Variants in FRMD5 observed in about 807,000 individuals in gnomAD.
The protein encoded by FRMD5 is FERM domain-containing protein 5.
FRMD5 carries 20 observed loss-of-function variants against 69.0 expected under a neutral mutation model. That is an observed-to-expected ratio of 0.29 (90% CI 0.20 to 0.42). The LOEUF is 0.42. Among genes scored for constraint, FRMD5 ranks in the 10% least tolerant of loss-of-function variants. The probability of loss-of-function intolerance (pLI) is 1.00; values close to 1 mark genes in which losing one functional copy is unlikely to be tolerated. For synonymous variants in FRMD5, 271 were observed against 260.1 expected (o/e 1.04, Z -0.40); for missense variants, 595 against 708.6 (o/e 0.84, Z 1.82).
intron 1 of FRMD5, among the ~76,000 whole-genome samples, chr15:43,944,958 T>A (rs886999070): frequency 7.3e-5 from 11 of 151,192 alleles, no homozygotes; most frequent in East Asian, 2.0e-4. Context: ...TTTATTTATT[T>A]TTTTTTTTTT....
chr15:43,906,321 G>A (rs1426750681), intron 5 of FRMD5, among the ~76,000 whole-genome samples: 1 of 152,228 alleles, frequency 6.6e-6, no homozygotes, highest in East Asian at 1.9e-4. Context: ...AGCACAGGAA[G>A]TGGTGAGCTT....
In FRMD5 at chr15:43,874,447, C is replaced by G; in HGVS notation, c.1151G>C (p.Arg384Pro). 1.2e-6 allele frequency: 2 copies of G among 1,614,064 alleles called. No homozygotes were observed. Among genetic ancestry groups the G allele is most frequent in the Non-Finnish European group, 8.5e-7 (1 of 1,179,960 alleles). The change falls in exon 14 of 14, where the codon CGG (arginine) becomes CCG (proline). Residue 384 changes from arginine to proline, a missense_variant. Coordinates refer to ENST00000417257, the MANE Select transcript of FRMD5 (RefSeq NM_032892.5). ...ISIMEGLESL[R>P]DSAHSTPVRS... The stretch of plus-strand genomic sequence containing the variant: ...CACTGGTGTGGAATGGGCACTGTCC[C>G]GTAAGGACTCTAGGCCTAGAAAGGC...
chr15:43,876,359 A>G (rs2088357030), intron 13 of FRMD5: 1 of 812,364 alleles, frequency 1.2e-6, no homozygotes. Context: ...TTGAGTCTCA[A>G]GTCTGCCTGT....
chr15:44,068,040 C>T (rs1166294844), intron 1 of FRMD5, among the ~76,000 whole-genome samples: 1 of 152,154 alleles, frequency 6.6e-6, no homozygotes. Context: ...CTATTCCTTA[C>T]CTACCAGGAT....
At chr15:44,106,948 A>G (rs1357419442) in intron 1 of FRMD5, among the ~76,000 whole-genome samples, 1 of 152,210 alleles carries the variant, frequency 6.6e-6, no homozygotes, top group Non-Finnish European at 1.5e-5. Context: ...GTATATTTTT[A>G]CCATTTTAGA....
At chr15:44,160,735 C>A (rs1016470463) in intron 1 of FRMD5, among the ~76,000 whole-genome samples, 1 of 152,216 alleles carries the variant, frequency 6.6e-6, no homozygotes, top group Non-Finnish European at 1.5e-5. Context: ...TTAAGCCCAT[C>A]ATTCTAAGTA....
intron 1 of FRMD5, among the ~76,000 whole-genome samples, chr15:43,983,810 G>A (rs2140631425): frequency 6.6e-6 from 1 of 152,318 alleles, no homozygotes; most frequent in African/African-American, 2.4e-5. Context: ...GCTCTAAAAT[G>A]TCATGTCACT....
chr15:43,906,748 C>T (rs1431545866), intron 5 of FRMD5, among the ~76,000 whole-genome samples: 2 of 137,334 alleles, frequency 1.5e-5, no homozygotes, highest in Non-Finnish European at 3.0e-5. Flanking sequence ...ACTACAGGCG[C>T]CTGCCACCTC....
chr15:44,114,417 T>C (rs147100799), intron 1 of FRMD5, among the ~76,000 whole-genome samples: 102 of 152,326 alleles, frequency 6.7e-4, no homozygotes, highest in African/African-American at 2.3e-3. Flanking sequence ...GATTACTAAC[T>C]GGATCAGCAA....
chr15:43,977,401 G>A (rs2412847), intron 1 of FRMD5, among the ~76,000 whole-genome samples: 6,699 of 152,178 alleles, frequency 0.044, 140 homozygotes, highest in Middle Eastern at 0.075. Flanking sequence ...TTAGGAATAG[G>A]GATGTAGGTT....
intron 7 of FRMD5, among the ~76,000 whole-genome samples, chr15:43,900,474 T>G (rs752496521): frequency 6.6e-6 from 1 of 152,102 alleles, no homozygotes; most frequent in African/African-American, 2.4e-5. Flanking sequence ...TAGGGAACTG[T>G]GGGGTAGGGA....
chr15:43,923,142 A>G (rs1448337717), intron 2 of FRMD5, among the ~76,000 whole-genome samples: 2 of 152,250 alleles, frequency 1.3e-5, no homozygotes, highest in African/African-American at 4.8e-5. Context: ...AAATGGACGT[A>G]AGAAATACAA....
intron 1 of FRMD5, among the ~76,000 whole-genome samples, chr15:44,126,005 G>A (rs963639263): frequency 5.9e-5 from 9 of 152,166 alleles, no homozygotes; most frequent in African/African-American, 1.9e-4. Flanking sequence ...TTCACTTGAA[G>A]AAATTCCCAC....
intron 1 of FRMD5, among the ~76,000 whole-genome samples, chr15:44,007,177 T>C (rs2140196315): frequency 6.6e-6 from 1 of 152,358 alleles, no homozygotes; most frequent in Admixed American, 6.5e-5. Flanking sequence ...TACCATTTTT[T>C]TTTTTAGCAA....
At chr15:44,001,086 A>G (rs987447404) in intron 1 of FRMD5, among the ~76,000 whole-genome samples, 4 of 152,196 alleles carry the variant, frequency 2.6e-5, no homozygotes, top group Admixed American at 6.5e-5. Context: ...TGTCTTTCTT[A>G]TAATAGCCAT....
chr15:44,078,796 A>G (rs1007637361), intron 1 of FRMD5, among the ~76,000 whole-genome samples: 7 of 152,120 alleles, frequency 4.6e-5, no homozygotes, highest in Non-Finnish European at 1.0e-4. Context: ...AAGTGCATCA[A>G]AGATCTACAT....
intron 1 of FRMD5, chr15:44,063,922 G>A (rs144962328): frequency 3.8e-5 from 10 of 264,700 alleles, no homozygotes; most frequent in African/African-American, 2.1e-4. Flanking sequence ...TGTGAACCAT[G>A]AGAAGTACAA....
At chr15:44,123,990 T>C (rs901526772) in intron 1 of FRMD5, among the ~76,000 whole-genome samples, 2 of 152,040 alleles carry the variant, frequency 1.3e-5, no homozygotes, top group Admixed American at 1.3e-4. Flanking sequence ...CTTTTGGTTG[T>C]TTTGTTTTTT....
chr15:44,198,243 G>A (rs909802453), upstream of FRMD5, among the ~76,000 whole-genome samples: 2 of 150,510 alleles, frequency 1.3e-5, no homozygotes, highest in African/African-American at 2.5e-5. Context: ...AGGATTGCTT[G>A]AGCCTAGGGG....
Sources: allele counts gnomAD v4.1 joint callset (sites outside exome capture counted in the v4.1 genomes callset), GRCh38; gene constraint gnomAD v4.1.1; transcripts MANE v1.5; gene names NCBI Gene and HGNC (gene_info 2026-07-23, HGNC 2026-07-21).